RBFOX1: variants seen among roughly 807,000 people sequenced by gnomAD.
RBFOX1 encodes RNA binding fox-1 homolog 1.
RBFOX1 carries 8 observed loss-of-function variants against 57.7 expected under a neutral mutation model. The ratio of observed to expected loss-of-function variants is 0.14; its 90% CI spans 0.08 to 0.25. RBFOX1 has a LOEUF of 0.25. RBFOX1 is among the 10% of genes least tolerant of loss of function. The pLI is 1.00. For missense variants in RBFOX1, 611 were observed against 548.5 expected (o/e 1.11, Z -1.14); for synonymous variants, 326 against 222.4 (o/e 1.47, Z -4.15).
chr16:6,626,485 C>T (rs2098309761), intron 2 of RBFOX1, among the ~76,000 whole-genome samples: 1 of 152,176 alleles, frequency 6.6e-6, no homozygotes, highest in South Asian at 2.1e-4. Flanking sequence ...TCACGCTGGG[C>T]ATGGTGGCTT....
chr16:5,567,274 G>A (rs2046106574), intron 2 of RBFOX1, among the ~76,000 whole-genome samples: 1 of 152,166 alleles, frequency 6.6e-6, no homozygotes, highest in Non-Finnish European at 1.5e-5. Context: ...TGCAGCTCAG[G>A]ACTGCGTCAC....
At chr16:5,522,185 G>T in intron 2 of RBFOX1, among the ~76,000 whole-genome samples, 1 of 152,196 alleles carries the variant, frequency 6.6e-6, no homozygotes, top group East Asian at 1.9e-4. Context: ...ACCCATGGAG[G>T]AATTAAGATC....
At chr16:6,414,907 G>C (rs1368051519) in intron 2 of RBFOX1, among the ~76,000 whole-genome samples, 2 of 152,112 alleles carry the variant, frequency 1.3e-5, no homozygotes, top group African/African-American at 4.8e-5. Context: ...GCATGGGGTA[G>C]GATGCAGAGC....
chr16:7,213,645 A>C (rs1368513251), intron 4 of RBFOX1, among the ~76,000 whole-genome samples: 3 of 152,084 alleles, frequency 2.0e-5, no homozygotes, highest in Non-Finnish European at 4.4e-5. Context: ...GTGGATCTTG[A>C]GATGAGCTAT....
rs116879445 is a variant in RBFOX1 at position 6,903,487 on chromosome 16, C to G, written c.-15-148570C>G. On this transcript the variant is annotated intron_variant, in intron 3 of 15. Coordinates refer to ENST00000550418, the MANE Select transcript of RBFOX1 (RefSeq NM_018723.4). ...GAATTCTCTAGTGTCTAGTGTTCAG[C>G]AAGTGCTGGTAAAATAAATACATGA... 1.3e-4 allele frequency among the ~76,000 whole-genome samples: 20 copies of G among 152,304 alleles called. 1 individual carries two copies. The East Asian group carries it at 3.9e-3, about 29-fold the overall frequency.
chr16:6,423,894 G>A (rs1002583614), intron 2 of RBFOX1, among the ~76,000 whole-genome samples: 6 of 152,086 alleles, frequency 3.9e-5, no homozygotes, highest in African/African-American at 9.7e-5. Flanking sequence ...GGGGAGCTCC[G>A]GTCTTGAGGC....
intron 4 of RBFOX1, among the ~76,000 whole-genome samples, chr16:7,485,775 C>T (rs1012168271): frequency 2.6e-5 from 4 of 152,212 alleles, no homozygotes; most frequent in African/African-American, 9.7e-5. Flanking sequence ...CTGAATATTA[C>T]ATCCCTTGAC....
intron 7 of RBFOX1, among the ~76,000 whole-genome samples, chr16:7,590,471 T>C (rs1334097414): frequency 6.6e-6 from 1 of 152,158 alleles, no homozygotes; most frequent in African/African-American, 2.4e-5. Context: ...GTAATTTATT[T>C]TTCCTTTTTA....
At chr16:5,982,606 C>T (rs1406639506) in intron 4 of RBFOX1, among the ~76,000 whole-genome samples, 1 of 152,160 alleles carries the variant, frequency 6.6e-6, no homozygotes, top group African/African-American at 2.4e-5. Context: ...CCCTCTCATA[C>T]CTAGAATGCT....
chr16:7,087,911 GCTCT>G (rs1304486761), intron 4 of RBFOX1, among the ~76,000 whole-genome samples: 1 of 151,446 alleles, frequency 6.6e-6, no homozygotes, highest in East Asian at 1.9e-4. Context: ...TCTCTCTCTC[GCTCT>G]CTCTTTCTCT....
intron 3 of RBFOX1, among the ~76,000 whole-genome samples, chr16:6,972,355 T>A (rs1018219043): frequency 1.3e-5 from 2 of 152,110 alleles, no homozygotes; most frequent in African/African-American, 4.8e-5. Flanking sequence ...CGTTTCTCCT[T>A]TCGTGACTGG....
At chr16:6,520,228 G>A (rs1274569603) in intron 2 of RBFOX1, among the ~76,000 whole-genome samples, 4 of 152,146 alleles carry the variant, frequency 2.6e-5, no homozygotes, top group African/African-American at 4.8e-5. Flanking sequence ...TTAAAGAAAG[G>A]ATGTATTCAA....
intron 3 of RBFOX1, among the ~76,000 whole-genome samples, chr16:6,916,170 G>GTTA (rs1041072962): frequency 3.3e-5 from 5 of 152,090 alleles, no homozygotes; most frequent in African/African-American, 1.2e-4. Flanking sequence ...TTGACACGTT[G>GTTA]TTATGCTAAG....
chr16:6,434,969 C>G (rs1275594215), intron 2 of RBFOX1, among the ~76,000 whole-genome samples: 1 of 152,162 alleles, frequency 6.6e-6, no homozygotes, highest in Admixed American at 6.5e-5. Flanking sequence ...TGTACATATA[C>G]GTGCACAGCT....
At chr16:5,868,071 A>G (rs2057384865) in intron 4 of RBFOX1, among the ~76,000 whole-genome samples, 1 of 152,204 alleles carries the variant, frequency 6.6e-6, no homozygotes, top group African/African-American at 2.4e-5. Flanking sequence ...GATGCTGACA[A>G]CATAGGTAAA....
At chr16:7,549,298 G>A (rs888586293) in intron 5 of RBFOX1, among the ~76,000 whole-genome samples, 1 of 152,202 alleles carries the variant, frequency 6.6e-6, no homozygotes, top group African/African-American at 2.4e-5. Context: ...AATAAGCAAA[G>A]AAGTGTTTGA....
chr16:5,597,651 C>T (rs762452537), intron 2 of RBFOX1, among the ~76,000 whole-genome samples: 67 of 152,160 alleles, frequency 4.4e-4, no homozygotes, highest in Non-Finnish European at 6.3e-4. Flanking sequence ...CTGTCCGCCT[C>T]GGCCTTGCTG....
At chr16:7,704,240 A>G (rs879376066) in intron 14 of RBFOX1, among the ~76,000 whole-genome samples, 3 of 152,212 alleles carry the variant, frequency 2.0e-5, no homozygotes, top group Non-Finnish European at 4.4e-5. Flanking sequence ...GGTCAAAAAG[A>G]TGAGGTCTCA....
intron 1 of RBFOX1, among the ~76,000 whole-genome samples, chr16:6,275,124 A>G (rs757245113): frequency 1.6e-4 from 25 of 152,210 alleles, no homozygotes; most frequent in South Asian, 1.5e-3. Context: ...CTCTGAGATT[A>G]TTTTATCTGC....
Sources: allele counts gnomAD v4.1 joint callset (sites outside exome capture counted in the v4.1 genomes callset), GRCh38; gene constraint gnomAD v4.1.1; transcripts MANE v1.5; gene names NCBI Gene and HGNC (gene_info 2026-07-23, HGNC 2026-07-21).